ATP1A3: variants seen among roughly 807,000 people sequenced by gnomAD.
The protein encoded by ATP1A3 is ATPase Na+/K+ transporting subunit alpha 3, also known as sodium/potassium-transporting ATPase subunit alpha-3.
A neutral mutation model predicts 108.8 loss-of-function variants in ATP1A3; 12 were observed. The ratio of observed to expected loss-of-function variants is 0.11; its 90% CI spans 0.07 to 0.18. ATP1A3 has a LOEUF of 0.18. Ranked by LOEUF, ATP1A3 falls within the 10% of genes least tolerant of loss-of-function variation. The pLI, the probability that ATP1A3 is intolerant of heterozygous loss-of-function variation, is 1.00. For synonymous variants in ATP1A3, 539 were observed against 564.5 expected, an observed-to-expected ratio of 0.95 and a Z score of 0.64; for missense variants, 498 against 1,387.7, an observed-to-expected ratio of 0.36 and a Z score of 10.19.
At chr19:41,993,877 C>A in intron 1 of ATP1A3, 194 bp downstream of exon 1, 2 of 1,011,474 alleles carry the variant, frequency 2.0e-6, no homozygotes, top group South Asian at 1.6e-5. Context: ...GCCATGCCAA[C>A]GTGCGCCACA....
At chr19:41,992,529 C>G (rs1475930308) in intron 1 of ATP1A3, among the ~76,000 whole-genome samples, 2 of 152,106 alleles carry the variant, frequency 1.3e-5, no homozygotes, top group Non-Finnish European at 2.9e-5. Flanking sequence ...CTGACCATCC[C>G]TCCCTTGACC....
rs1555859528 is a variant in ATP1A3, at chr19:41,970,280, G to C, written c.2447C>G (p.Ala816Gly). The change falls in exon 18 of 23, where the codon GCT becomes GGT. Residue 816 changes from alanine to glycine, a missense_variant. Around this residue, in one of 9 missense-constraint regions of ATP1A3, gnomAD observed 121 missense variants for 425.1 expected, o/e 0.28. Transcript: ENST00000648268. ...MVPAISLAYE[A>G]AESDIMKRQP... ...TCTCTTCATGATGTCGCTTTCGGCAGCCTCGTACGCCAGTGAGATGGCAGG... is the reference window on the plus strand; with the variant it reads ...TCTCTTCATGATGTCGCTTTCGGCACCCTCGTACGCCAGTGAGATGGCAGG... 4 of 1,614,050 alleles carry C rather than the reference G, an allele frequency of 2.5e-6. No individual in the cohort carries two copies. The African/African-American group carries it at 5.3e-5, about 22-fold the overall frequency.
chr19:41,993,606 T>C, intron 1 of ATP1A3: 1 of 923,526 alleles, frequency 1.1e-6, no homozygotes, highest in African/African-American at 1.7e-5. Context: ...CTGGTGTCCA[T>C]CCCACAACGT....
In ATP1A3 at chr19:41,968,595, G is replaced by A. The variant is rs567641902; in HGVS notation, c.2819+190C>T. 6.6e-6 allele frequency among the ~76,000 whole-genome samples: 1 copy of A among 152,266 alleles called. No homozygotes were observed. The highest frequency in any genetic ancestry group is 6.5e-5 in the Admixed American group (1 of 15,282). ...GGAGGCTGAGGTGGGTGGGTCACTT[G>A]AGCCCAGGAGGTCGAGGCTGCAGTG... On this transcript the variant is annotated intron_variant, in intron 20 of 22. Transcript: ENST00000648268. This position sits in a 1 kb window ranked among gnomAD's most constrained non-coding sequence, Gnocchi z 5.0.
rs1304625712 is a variant in ATP1A3, at chr19:41,991,202, A to AGGCTCAGCGC, written c.7-2650_7-2641dup. ...AGGCCCAGGGCCAAGCTGGGATCGGAGGCTCAGCGCGGCTCAGCGCTAATC... is the reference window on the plus strand; with the variant it reads ...AGGCCCAGGGCCAAGCTGGGATCGGAGGCTCAGCGCGGCTCAGCGCGGCTCAGCGCTAATC... On this transcript the variant is annotated intron_variant, in intron 1 of 22. Coordinates refer to ENST00000648268, the MANE Select transcript of ATP1A3 (RefSeq NM_152296.5). Among the ~76,000 whole-genome samples, 5 of 152,272 alleles carry AGGCTCAGCGC rather than the reference A, an allele frequency of 3.3e-5. No homozygotes were observed. In the East Asian group the frequency reaches 5.8e-4, roughly 18 times the overall value.
At chr19:41,973,324 T>C (rs1379888323) in intron 16 of ATP1A3, among the ~76,000 whole-genome samples, 2 of 152,176 alleles carry the variant, frequency 1.3e-5, no homozygotes, top group African/African-American at 4.8e-5. Flanking sequence ...GGCACCATCA[T>C]GGTTCATGGC....
At position 41,985,550 on chromosome 19, in the gene ATP1A3, G is replaced by A; in HGVS notation, c.607-127C>T. The A allele has an allele frequency of 1.0e-6, 1 of 997,044 alleles. No individual in the cohort carries two copies. The highest frequency in any genetic ancestry group is 1.6e-6 in the Non-Finnish European group (1 of 640,812). The allele number at this position is 997,044 out of a possible 1,614,324, so 61.8% of individuals were successfully genotyped here. On this transcript the variant is annotated intron_variant, in intron 6 of 22. Transcript: ENST00000648268. The surrounding 1 kb of genome is among the most constrained non-coding windows in gnomAD (Gnocchi z 8.2). ...CAGCTAGAAGCCTGGGTGCCCAGTGGGTGAGTGGTGTGTGGGAGGCCAGAG... is the reference window on the plus strand; with the variant it reads ...CAGCTAGAAGCCTGGGTGCCCAGTGAGTGAGTGGTGTGTGGGAGGCCAGAG...
At chr19:41,986,340 T>C in intron 4 of ATP1A3, 111 bp from the exon 5 acceptor site, 1 of 1,020,540 alleles carries the variant, frequency 9.8e-7, no homozygotes, top group Non-Finnish European at 1.5e-6. Flanking sequence ...GGTCTGTATT[T>C]GTGTGTCTGA....
In ATP1A3 at chr19:41,970,777, A is replaced by G. The variant is rs373329560; in HGVS notation, c.2264-235T>C. The stretch of plus-strand genomic sequence containing the variant: ...CTCCCGAGTAGCTGGCACTACAGGC[A>G]CCTGCCACCACGCCCGGCTAATTTT... On this transcript the variant is annotated intron_variant, in intron 16 of 22. Transcript: ENST00000648268. 2.7e-3 allele frequency among the ~76,000 whole-genome samples: 415 copies of G among 151,352 alleles called. 9 individuals carry two copies. In the East Asian group the frequency reaches 0.066, roughly 24 times the overall value.
intron 8 of ATP1A3, 135 bp downstream of exon 8, chr19:41,984,783 C>T (rs1293267341): frequency 9.2e-7 from 1 of 1,083,202 alleles, no homozygotes; most frequent in East Asian, 2.6e-5. Context: ...CCCTCCTCCC[C>T]CAGACACACG....
In ATP1A3 at chr19:41,966,857, A is replaced by G; in HGVS notation, c.*80T>C. ...GGAAGAGAGGGCTCCTCCCCCCAGA[A>G]TACAAAATTGGGGGGACTGACAGGG... On this transcript the variant is annotated 3_prime_UTR_variant, in exon 23 of 23. Coordinates refer to ENST00000648268, the MANE Select transcript of ATP1A3 (RefSeq NM_152296.5). 6.5e-7 allele frequency: 1 copy of G among 1,547,964 alleles called. No individual in the cohort carries two copies. The highest frequency in any genetic ancestry group is 2.4e-5 in the East Asian group (1 of 40,876).
rs965301142 is a variant in ATP1A3 at position 41,967,325 on chromosome 19, G to A, written c.2937C>T (p.Phe979=). Residue 979 remains phenylalanine, a synonymous_variant, in exon 22 of 23, where the codon TTC becomes TTT. Coordinates refer to ENST00000648268, the MANE Select transcript of ATP1A3 (RefSeq NM_152296.5). This position sits in a 1 kb window ranked among gnomAD's most constrained non-coding sequence, Gnocchi z 4.2. ...TGAGGAAACTGTAGGGGAAGGCACA[G>A]AACCACCAGCTGGGCCTGCAGAGGG... ...RMYPLKPSWW[F]CAFPYSFLIF... The A allele has an allele frequency of 9.3e-6, 15 of 1,609,568 alleles. No individual in the cohort carries two copies. The highest frequency in any genetic ancestry group is 9.3e-6 in the Non-Finnish European group (11 of 1,179,982).
intron 1 of ATP1A3, chr19:41,993,840 A>G (rs1357965039): frequency 6.4e-6 from 5 of 779,920 alleles, no homozygotes; most frequent in African/African-American, 1.8e-5. Context: ...GGGCTGGCCC[A>G]CAACCTCGCG....
chr19:41,977,976 C>T lies in ATP1A3; in HGVS notation c.1903G>A (p.Ala635Thr), dbSNP rs782514564. Reference protein sequence around the residue: ...SEGNETVEDIAARLNIPVSQV... With the variant: ...SEGNETVEDITARLNIPVSQV... ...CTGACGGGAATGTTGAGCCGGGCGGCGATGTCCTCCACAGTCTCGTTGCCC... is the reference window on the plus strand; with the variant it reads ...CTGACGGGAATGTTGAGCCGGGCGGTGATGTCCTCCACAGTCTCGTTGCCC... The change falls in exon 14 of 23, where the codon GCC (alanine) becomes ACC (threonine). Residue 635 changes from alanine (A) to threonine (T), a missense_variant. Ala to Thr is a moderately conservative substitution (Grantham distance 58, BLOSUM62 0). Transcript: ENST00000648268. 6 of 1,614,244 alleles carry T rather than the reference C, an allele frequency of 3.7e-6. No individual in the cohort carries two copies. The highest frequency in any genetic ancestry group is 2.2e-5 in the East Asian group (1 of 44,890).
At chr19:41,979,919 CT>C (rs1189851739) in intron 11 of ATP1A3, among the ~76,000 whole-genome samples, 1 of 152,246 alleles carries the variant, frequency 6.6e-6, no homozygotes, top group African/African-American at 2.4e-5. Context: ...TGAGAGCCCC[CT>C]GGAGGCTTGT....
At chr19:41,974,859 C>A (rs929419652) in intron 16 of ATP1A3, among the ~76,000 whole-genome samples, 36 of 152,318 alleles carry the variant, frequency 2.4e-4, no homozygotes, top group African/African-American at 8.4e-4. Flanking sequence ...GACCCAGCCC[C>A]TCACACCGCC....
chr19:41,976,935 G>A (rs2075177113), intron 14 of ATP1A3, among the ~76,000 whole-genome samples: 1 of 151,854 alleles, frequency 6.6e-6, no homozygotes, highest in South Asian at 2.1e-4. Flanking sequence ...CTCCCTAGTA[G>A]ATAGGATTAC....
intron 14 of ATP1A3, 68 bp downstream of exon 14, chr19:41,977,868 G>A (rs1026998738): frequency 6.3e-7 from 1 of 1,584,774 alleles, no homozygotes; most frequent in South Asian, 1.1e-5. Context: ...GAGGTTGGGG[G>A]GAAGCGGTCC....
Position 41,988,669 on chromosome 19 carries a change from C to T in ATP1A3, c.7-107G>A. 1.9e-6 allele frequency: 3 copies of T among 1,598,674 alleles called. No individual in the cohort carries two copies. Among genetic ancestry groups the T allele is most frequent in the South Asian group, 2.2e-5 (2 of 90,406 alleles). ...GCCCCAGCTATCCTCCTGGCCGGTG[C>T]CCCTGCATCTCTGGGTGGGGGGTCT... On this transcript the variant is annotated intron_variant, in intron 1 of 22. Coordinates refer to ENST00000648268, the MANE Select transcript of ATP1A3 (RefSeq NM_152296.5). This position sits in a 1 kb window ranked among gnomAD's most constrained non-coding sequence, Gnocchi z 5.3.
Sources: allele counts gnomAD v4.1 joint callset (sites outside exome capture counted in the v4.1 genomes callset), GRCh38; gene constraint gnomAD v4.1.1; regional missense constraint gnomAD v4.1.1; non-coding constraint Gnocchi (gnomAD v3.1); transcripts MANE v1.5; gene names NCBI Gene and HGNC (gene_info 2026-07-23, HGNC 2026-07-21).